MED16: variants seen among roughly 807,000 people sequenced by gnomAD.
The protein encoded by MED16 is mediator complex subunit 16.
Under a neutral mutation model 84.4 loss-of-function variants are expected in MED16, and 81 were observed. The observed-to-expected ratio is 0.96, with a 90% CI of 0.80 to 1.15. The LOEUF is 1.15. Among genes scored for constraint, MED16 ranks in the 50% most tolerant of loss-of-function variants. The pLI is 0.00. For synonymous variants in MED16, 897 were observed against 552.2 expected (o/e 1.62, Z -8.76); for missense variants, 1,585 against 1,245.9 (o/e 1.27, Z -4.10).
chr19:892,829 C>G (rs1251191550), intron 1 of MED16: 1 of 152,228 alleles, frequency 6.6e-6, no homozygotes, highest in Non-Finnish European at 1.5e-5. Context: ...CCGAACCCAG[C>G]CCCGCGGGCC....
At chr19:885,520 CAG>C (rs1391831304) in intron 5 of MED16, among the ~76,000 whole-genome samples, 1 of 152,134 alleles carries the variant, frequency 6.6e-6, no homozygotes, top group Non-Finnish European at 1.5e-5. Flanking sequence ...GGTTGAGATT[CAG>C]AGACAGGAAG....
rs199854986 is a variant in MED16, at chr19:875,392, C to G, written c.1623G>C (p.Val541=). 4 of 1,608,420 alleles carry G rather than the reference C, an allele frequency of 2.5e-6. No individual in the cohort carries two copies. The highest frequency in any genetic ancestry group is 3.4e-6 in the Non-Finnish European group (4 of 1,179,774). The change falls in exon 10 of 16, where the codon GTG becomes GTC. Residue 541 remains valine (V), a synonymous_variant. Transcript: ENST00000325464. ...ASLCKLSPCT[V]TRVCDYHTKL... ...TGGTGTGGTAGTCGCACACGCGGGT[C>G]ACCGTGCAGGGCGACAGCTTGCAGA...
At chr19:886,728 G>A (rs2036534296) in intron 4 of MED16, among the ~76,000 whole-genome samples, 1 of 152,248 alleles carries the variant, frequency 6.6e-6, no homozygotes, top group Non-Finnish European at 1.5e-5. Context: ...AATTTGTCAA[G>A]TCATTATTGA....
intron 1 of MED16, 143 bp from the exon 2 acceptor site, chr19:891,292 G>A (rs1175500335): frequency 2.5e-6 from 2 of 786,620 alleles, no homozygotes; most frequent in South Asian, 1.8e-5. Context: ...GACAGAGCCT[G>A]GGGCTGGGGC....
chr19:876,104 C>T (rs1054798439), intron 9 of MED16, among the ~76,000 whole-genome samples: 3 of 152,156 alleles, frequency 2.0e-5, no homozygotes, highest in South Asian at 4.1e-4. Flanking sequence ...CTGGGTCTCA[C>T]GCGTTTCTCG....
intron 10 of MED16, among the ~76,000 whole-genome samples, chr19:874,729 C>T (rs200464312): frequency 5.9e-5 from 9 of 151,826 alleles, no homozygotes; most frequent in Non-Finnish European, 8.8e-5. Flanking sequence ...AATTAAAAAC[C>T]GGGTGTGGTG....
chr19:871,549 A>C lies in MED16; in HGVS notation c.2099-296T>G, dbSNP rs1237601496. On this transcript the variant is annotated intron_variant, in intron 12 of 15. Coordinates refer to ENST00000325464, the MANE Select transcript of MED16 (RefSeq NM_005481.3). ...CCAGACACTGGGATGTAAGAATGAC[A>C]CAGCTCACCCTCCTCACATACACAC... The C allele has an allele frequency of 2.5e-6, 4 of 1,587,084 alleles. No homozygotes were observed. In the Admixed American group the frequency reaches 5.2e-5, roughly 21 times the overall value.
chr19:874,227 C>A (rs1599322781), intron 10 of MED16, among the ~76,000 whole-genome samples: 1 of 152,264 alleles, frequency 6.6e-6, no homozygotes, highest in African/African-American at 2.4e-5. Context: ...CATTCTCCTG[C>A]CTCAGCCTCC....
At chr19:868,739 C>G in intron 14 of MED16, 124 bp downstream of exon 14, 7 of 1,165,902 alleles carry the variant, frequency 6.0e-6, no homozygotes, top group Non-Finnish European at 8.3e-6. Flanking sequence ...GGCTCCAACA[C>G]TCCCTCTGGG....
At chr19:868,614 C>A (rs1016003905) in intron 14 of MED16, 115 bp from the exon 15 acceptor site, 2 of 1,356,022 alleles carry the variant, frequency 1.5e-6, no homozygotes, top group Non-Finnish European at 2.0e-6. Flanking sequence ...CACGCCTGCT[C>A]CCCACGTCCC....
intron 1 of MED16, 131 bp from the exon 2 acceptor site, chr19:891,280 C>T (rs1452237740): frequency 2.3e-6 from 2 of 877,618 alleles, no homozygotes; most frequent in Non-Finnish European, 3.4e-6. Flanking sequence ...GCCCGGAGGC[C>T]AGACAGAGCC....
chr19:886,628 G>A (rs2036532671), intron 4 of MED16, among the ~76,000 whole-genome samples: 1 of 152,258 alleles, frequency 6.6e-6, no homozygotes, highest in Non-Finnish European at 1.5e-5. Flanking sequence ...GTCAGGCCCT[G>A]GGCCGCACTG....
At position 871,080 on chromosome 19, in the gene MED16, G is replaced by A; in HGVS notation, c.2272C>T (p.Leu758=). 3 of 1,547,744 alleles carry A rather than the reference G, an allele frequency of 1.9e-6. No homozygotes were observed. The highest frequency in any genetic ancestry group is 1.2e-5 in the South Asian group (1 of 83,968). The part of the protein sequence containing the change: ...LRLQFGRAPT[L]PGSAATLQLD... ...TGCAGGGTGGCAGCACTGCCAGGCA[G>A]CGTGGGCGCCCGGCCAAACTGCAGA... The change falls in exon 13 of 16, where the codon CTG becomes TTG. Residue 758 remains leucine, a synonymous_variant. Coordinates refer to ENST00000325464, the MANE Select transcript of MED16 (RefSeq NM_005481.3).
At position 886,130 on chromosome 19, in the gene MED16, G is replaced by C. The variant is rs1015264376; in HGVS notation, c.519C>G (p.Gly173=). ...CCGCGATCCAGCCCTCCATGGGCTT[G>C]CCGCCGAACAGCGTGAGCGACGGTG... The part of the protein sequence containing the change: ...KFSPSLTLFG[G]KPMEGWIAVT... Residue 173 remains glycine (G), a synonymous_variant, in exon 5 of 16, where the codon GGC becomes GGG. Transcript: ENST00000325464. 6.4e-7 allele frequency: 1 copy of C among 1,567,720 alleles called. No individual in the cohort carries two copies. The highest frequency in any genetic ancestry group is 1.4e-5 in the African/African-American group (1 of 73,612).
intron 5 of MED16, among the ~76,000 whole-genome samples, chr19:885,317 A>G (rs975042053): frequency 6.6e-6 from 1 of 152,094 alleles, no homozygotes; most frequent in Non-Finnish European, 1.5e-5. Context: ...AATCCAGGCG[A>G]CCTGGTGTGG....
intron 6 of MED16, 136 bp from the exon 7 acceptor site, chr19:881,850 C>G: frequency 9.4e-7 from 1 of 1,060,482 alleles, no homozygotes. Flanking sequence ...GCTCCCATGC[C>G]CAGAAGACCA....
chr19:870,427 G>A (rs1175954164), intron 13 of MED16, among the ~76,000 whole-genome samples: 3 of 152,122 alleles, frequency 2.0e-5, no homozygotes, highest in Non-Finnish European at 2.9e-5. Flanking sequence ...TAGGTGTGGT[G>A]GCTCATGCCT....
chr19:885,083 G>T, intron 5 of MED16, 75 bp from the exon 6 acceptor site: 2 of 1,155,284 alleles, frequency 1.7e-6, no homozygotes, highest in Non-Finnish European at 2.5e-6. Flanking sequence ...CCTGAGCTGC[G>T]GGACCCTGGG....
rs756281329 is a variant in MED16, at chr19:880,064, G to A, written c.1226C>T (p.Ala409Val). 2.0e-5 allele frequency: 32 copies of A among 1,611,034 alleles called. No individual in the cohort carries two copies. The highest frequency in any genetic ancestry group is 4.0e-5 in the African/African-American group (3 of 74,920). ...CGGCTCATCCACAGGCCTCGGGGCC[G>A]CGGAGCTGTAGAAGACGGCCATGGT... is the stretch of plus-strand genomic sequence containing the variant. ...LQTMAVFYSS[A>V]APRPVDEPAM... The change falls in exon 8 of 16, where the codon GCG becomes GTG. Residue 409 changes from alanine to valine, a missense_variant. Coordinates refer to ENST00000325464, the MANE Select transcript of MED16 (RefSeq NM_005481.3).
Sources: allele counts gnomAD v4.1 joint callset (sites outside exome capture counted in the v4.1 genomes callset), GRCh38; gene constraint gnomAD v4.1.1; transcripts MANE v1.5; gene names NCBI Gene and HGNC (gene_info 2026-07-23, HGNC 2026-07-21).